The following FADS1 variants were observed in gnomAD, a reference collection of about 807,000 sequenced individuals.
FADS1 encodes the protein acyl-CoA (8-3)-desaturase.
Under a neutral mutation model 61.6 loss-of-function variants are expected in FADS1, and 17 were observed. The ratio of observed to expected loss-of-function variants is 0.28; its 90% CI spans 0.19 to 0.41. The LOEUF (loss-of-function observed/expected upper bound fraction) is 0.41, where lower values mean the gene tolerates loss of function less well. FADS1 is among the 10% of genes least tolerant of loss of function. FADS1 has a pLI of 1.00. For missense variants in FADS1, 387 were observed against 650.9 expected, an observed-to-expected ratio of 0.59 and a Z score of 4.41; for synonymous variants, 238 against 258.7, an observed-to-expected ratio of 0.92 and a Z score of 0.77.
In FADS1 at chr11:61,816,172, C is replaced by T. The variant is rs1565322324; in HGVS notation, c.375+383G>A. On this transcript the variant is annotated intron_variant, in intron 1 of 11. Transcript: ENST00000350997. This position sits in a 1 kb window ranked among gnomAD's most constrained non-coding sequence, Gnocchi z 7.0. ...ACAGGATGTGACTCCCTCCCCTGGCCACTGACCCCCTCCCTCCCCAGGCGG... is the reference window on the plus strand; with the variant it reads ...ACAGGATGTGACTCCCTCCCCTGGCTACTGACCCCCTCCCTCCCCAGGCGG... 3.1e-6 allele frequency: 4 copies of T among 1,275,680 alleles called. No individual in the cohort carries two copies. 79.0% of individuals were successfully genotyped at this position (1,275,680 alleles called of 1,614,324 possible).
intron 3 of FADS1, chr11:61,811,955 C>G (rs72643557): frequency 2.7e-6 from 1 of 371,114 alleles, no homozygotes; most frequent in Non-Finnish European, 5.5e-6. Context: ...TCAAGTGATC[C>G]GGCCACCTTG....
chr11:61,808,828 T>C (rs189680874), intron 5 of FADS1, among the ~76,000 whole-genome samples: 10 of 152,334 alleles, frequency 6.6e-5, no homozygotes, highest in African/African-American at 2.2e-4. Context: ...CTTCACCTGC[T>C]CCTCCGTGGT....
chr11:61,803,553 C>T lies in FADS1; in HGVS notation c.1152-94G>A, dbSNP rs2066872360. ...AACTGCTCCAGCCTGTCTACTTTCC[C>T]AAGCCAACTCCTGAAACACCCACTG... On this transcript the variant is annotated intron_variant, in intron 8 of 11. Coordinates refer to ENST00000350997, the MANE Select transcript of FADS1 (RefSeq NM_013402.7). The surrounding 1 kb of genome is among the most constrained non-coding windows in gnomAD (Gnocchi z 4.3). 26 of 1,380,928 alleles carry T rather than the reference C, an allele frequency of 1.9e-5. No homozygotes were observed. The highest frequency in any genetic ancestry group is 2.7e-5 in the Non-Finnish European group (26 of 967,850). The allele number at this position is 1,380,928 out of a possible 1,614,324, so 85.5% of individuals were successfully genotyped here. A position where few individuals can be genotyped will look rare whatever the true frequency, so the allele number is the denominator to read the frequency against.
At position 61,816,879 on chromosome 11, in the gene FADS1, GT is replaced by G; in HGVS notation, c.50del (p.Asn17ThrfsTer27). On this transcript the variant is annotated frameshift_variant, in exon 1 of 12. Coordinates refer to ENST00000350997, the MANE Select transcript of FADS1 (RefSeq NM_013402.7). LOFTEE classifies it high-confidence loss of function. This position sits in a 1 kb window ranked among gnomAD's most constrained non-coding sequence, Gnocchi z 7.0. Reference sequence around the variant, plus strand: ...CCAGAGCCAGCCGCCTGCGCGCCGGGTTTTCAGCACCGCAGGGCAGACCGGC... The same window carrying G: ...CCAGAGCCAGCCGCCTGCGCGCCGGGTTTCAGCACCGCAGGGCAGACCGGC... ...RPAGLPCGAE[N>X]PARRRLALGA... The G allele has an allele frequency of 2.0e-6, 3 of 1,477,232 alleles. No individual in the cohort carries two copies. Among genetic ancestry groups the G allele is most frequent in the Admixed American group, 2.5e-5 (1 of 40,208 alleles). 91.5% of individuals were successfully genotyped at this position (1,477,232 alleles called of 1,614,324 possible).
Position 61,815,519 on chromosome 11 carries a change from C to T in FADS1, c.375+1036G>A, listed in dbSNP as rs1188470374. On this transcript the variant is annotated intron_variant, in intron 1 of 11. Transcript: ENST00000350997. The surrounding 1 kb of genome is among the most constrained non-coding windows in gnomAD (Gnocchi z 6.4). ...AGTGGATAGGGACAGTGGAGGGCAT[C>T]ACGCTGCAGGGCACGGGATCAGAGG... The T allele has an allele frequency of 6.6e-6, 1 of 152,400 alleles. No individual in the cohort carries two copies. The highest frequency in any genetic ancestry group is 2.4e-5 in the African/African-American group (1 of 41,464). 9.4% of individuals were successfully genotyped at this position (152,400 alleles called of 1,614,324 possible).
In FADS1 at chr11:61,799,991, G is replaced by C. The variant is rs1003821603; in HGVS notation, c.*2420C>G. 3 of 152,800 alleles carry C rather than the reference G, an allele frequency of 2.0e-5. No individual in the cohort carries two copies. In the East Asian group the frequency reaches 5.6e-4, roughly 29 times the overall value. 9.5% of individuals were successfully genotyped at this position (152,800 alleles called of 1,614,324 possible). ...AGGCTGAGAAGGCCACAGTGGTTCA[G>C]GTGCTTTGAGGACTTGGTCTTGGCT... On this transcript the variant is annotated 3_prime_UTR_variant, in exon 12 of 12. Transcript: ENST00000350997.
chr11:61,811,700 C>T, intron 3 of FADS1: 1 of 284,958 alleles, frequency 3.5e-6, no homozygotes, highest in South Asian at 2.7e-5. Context: ...AGCAATTCTC[C>T]TGCCTCAGCC....
At position 61,812,637 on chromosome 11, in the gene FADS1, C is replaced by T. The variant is rs745803850; in HGVS notation, c.518G>A (p.Arg173Gln). ...GAGCCCCATCCGCTCCACTGTGGCC[C>T]GCAGCTCCCGGAACTCATCTGTCAG... is the stretch of plus-strand genomic sequence containing the variant. ...KELTDEFREL[R>Q]ATVERMGLMK... The change falls in exon 3 of 12, where the codon CGG becomes CAG. Residue 173 changes from arginine to glutamine, a missense_variant. Physicochemically the swap from Arg to Gln is conservative, Grantham distance 43. This residue lies in a region of FADS1 where 257 missense variants were observed against 533.3 expected (regional missense o/e 0.48). Transcript: ENST00000350997. 7 of 1,613,970 alleles carry T rather than the reference C, an allele frequency of 4.3e-6. No homozygotes were observed. The highest frequency in any genetic ancestry group is 3.3e-5 in the South Asian group (3 of 91,086).
At chr11:61,805,090 A>G (rs1173497524) in intron 6 of FADS1, 1 of 452,396 alleles carries the variant, frequency 2.2e-6, no homozygotes, top group Non-Finnish European at 3.9e-6. Flanking sequence ...ATTATTTTTC[A>G]TTTTTCTTCT....
At chr11:61,804,011 C>T in intron 7 of FADS1, 1 of 554,262 alleles carries the variant, frequency 1.8e-6, no homozygotes, top group Non-Finnish European at 3.2e-6. Flanking sequence ...GTCTCTTTGC[C>T]TCTAGCTCTT....
chr11:61,802,179 C>A lies in FADS1; in HGVS notation c.*232G>T. The A allele has an allele frequency of 1.8e-6, 1 of 560,588 alleles. No individual in the cohort carries two copies. Among genetic ancestry groups the A allele is most frequent in the Non-Finnish European group, 3.2e-6 (1 of 312,484 alleles). The allele number at this position is 560,588 out of a possible 1,614,324, so 34.7% of individuals were successfully genotyped here. On this transcript the variant is annotated 3_prime_UTR_variant, in exon 12 of 12. Coordinates refer to ENST00000350997, the MANE Select transcript of FADS1 (RefSeq NM_013402.7). The surrounding 1 kb of genome is among the most constrained non-coding windows in gnomAD (Gnocchi z 4.2). Reference sequence around the variant, plus strand: ...AACTAGAAAAAGGAAATAATTTACACCCCTGCCCCAACAGCTCCTTCCCTC... The same window carrying A: ...AACTAGAAAAAGGAAATAATTTACAACCCTGCCCCAACAGCTCCTTCCCTC...
intron 7 of FADS1, chr11:61,804,216 C>T: frequency 4.6e-6 from 1 of 216,486 alleles, no homozygotes; most frequent in South Asian, 8.7e-5. Context: ...AGAGTTCATC[C>T]CCCCTGCTCC....
rs746615579 is a variant in FADS1 at position 61,816,303 on chromosome 11, G to A, written c.375+252C>T. On this transcript the variant is annotated intron_variant, in intron 1 of 11. Transcript: ENST00000350997. The surrounding 1 kb of genome is among the most constrained non-coding windows in gnomAD (Gnocchi z 7.0). ...CAGATGGAATGCACGGCAGGGAGGC[G>A]GGACCCTTTGTTTGTGTGTGCGTGT... is the stretch of plus-strand genomic sequence containing the variant. 5 of 1,598,310 alleles carry A rather than the reference G, an allele frequency of 3.1e-6. No individual in the cohort carries two copies. In the Admixed American group the frequency reaches 5.0e-5, roughly 16 times the overall value.
chr11:61,803,116 C>T lies in FADS1; in HGVS notation c.1249-5G>A, dbSNP rs745715959. On this transcript the variant is annotated splice_region_variant and splice_polypyrimidine_tract_variant and intron_variant, in intron 9 of 11. Coordinates refer to ENST00000350997, the MANE Select transcript of FADS1 (RefSeq NM_013402.7). This position sits in a 1 kb window ranked among gnomAD's most constrained non-coding sequence, Gnocchi z 4.3. ...GACATTGCATGTGGCCTGGAGCTGG[C>T]GGAAAAGGTCAGGGGAGAGCATGTT... is the stretch of plus-strand genomic sequence containing the variant. 8.7e-6 allele frequency: 14 copies of T among 1,613,802 alleles called. No homozygotes were observed. The highest frequency in any genetic ancestry group is 6.7e-5 in the East Asian group (3 of 44,892).
chr11:61,808,715 C>G (rs573777510), intron 5 of FADS1, among the ~76,000 whole-genome samples: 10 of 152,256 alleles, frequency 6.6e-5, no homozygotes, highest in African/African-American at 1.7e-4. Context: ...TCAATTTTTT[C>G]CTCAGTTAAT....
chr11:61,806,613 C>T lies in FADS1; in HGVS notation c.976+51G>A, dbSNP rs1282944136. On this transcript the variant is annotated intron_variant, in intron 6 of 11. Coordinates refer to ENST00000350997, the MANE Select transcript of FADS1 (RefSeq NM_013402.7). ...TGGACAGCCACATCCTCCTCATTCCCTCAGCATTCCCTCCTGAGGCAGCTC... is the reference window on the plus strand; with the variant it reads ...TGGACAGCCACATCCTCCTCATTCCTTCAGCATTCCCTCCTGAGGCAGCTC... 5 of 1,521,660 alleles carry T rather than the reference C, an allele frequency of 3.3e-6. 1 individual carries two copies. The South Asian group carries it at 5.6e-5, about 17-fold the overall frequency. The allele number at this position is 1,521,660 out of a possible 1,614,324, so 94.3% of individuals were successfully genotyped here. A position where few individuals can be genotyped will look rare whatever the true frequency, so the allele number is the denominator to read the frequency against.
rs751739505 is a variant in FADS1, at chr11:61,804,736, G to A, written c.1002C>T (p.Leu334=). 1.2e-6 allele frequency: 2 copies of A among 1,614,120 alleles called. No individual in the cohort carries two copies. Among genetic ancestry groups the A allele is most frequent in the South Asian group, 1.1e-5 (1 of 91,084 alleles). ...FLIGPPALLP[L]YFQWYIFYFV... is the part of the protein sequence containing the mutation. ...AATAGAAAATATACCACTGGAAGTAGAGAGGCAGCAAGGCTGGGGGCCCAA... is the reference window on the plus strand; with the variant it reads ...AATAGAAAATATACCACTGGAAGTAAAGAGGCAGCAAGGCTGGGGGCCCAA... The change falls in exon 7 of 12, where the codon CTC becomes CTT. Residue 334 remains leucine, a synonymous_variant. Coordinates refer to ENST00000350997, the MANE Select transcript of FADS1 (RefSeq NM_013402.7).
At position 61,803,503 on chromosome 11, in the gene FADS1, C is replaced by T; in HGVS notation, c.1152-44G>A. 6.5e-7 allele frequency: 1 copy of T among 1,535,360 alleles called. No homozygotes were observed. Among genetic ancestry groups the T allele is most frequent in the Non-Finnish European group, 9.0e-7 (1 of 1,108,224 alleles). ...AGACAAAAACAGTACACACAGAGCC[C>T]AGAATTCTGATTCCCCCCTCAGATA... On this transcript the variant is annotated intron_variant, in intron 8 of 11. Transcript: ENST00000350997. The surrounding 1 kb of genome is among the most constrained non-coding windows in gnomAD (Gnocchi z 4.3).
Position 61,816,418 on chromosome 11 carries a change from G to A in FADS1, c.375+137C>T. The A allele has an allele frequency of 3.1e-6, 5 of 1,598,684 alleles. No homozygotes were observed. Among genetic ancestry groups the A allele is most frequent in the Non-Finnish European group, 4.2e-6 (5 of 1,179,804 alleles). ...CGCATCCGCAGGACACCCAATCACCGGGCAACAGGTATGATCAGGCGCCTC... is the reference window on the plus strand; with the variant it reads ...CGCATCCGCAGGACACCCAATCACCAGGCAACAGGTATGATCAGGCGCCTC... On this transcript the variant is annotated intron_variant, in intron 1 of 11. Transcript: ENST00000350997. The surrounding 1 kb of genome is among the most constrained non-coding windows in gnomAD (Gnocchi z 7.0).
Sources: allele counts gnomAD v4.1 joint callset (sites outside exome capture counted in the v4.1 genomes callset), GRCh38; gene constraint gnomAD v4.1.1; regional missense constraint gnomAD v4.1.1; non-coding constraint Gnocchi (gnomAD v3.1); transcripts MANE v1.5; gene names NCBI Gene and HGNC (gene_info 2026-07-23, HGNC 2026-07-21).